SCML4: variants seen among roughly 807,000 people sequenced by gnomAD.
SCML4 encodes the protein sex comb on midleg-like protein 4.
In SCML4, 34 loss-of-function variants were observed where a neutral mutation model predicts 41.1. The ratio of observed to expected loss-of-function variants is 0.83; its 90% CI spans 0.63 to 1.10. The LOEUF (loss-of-function observed/expected upper bound fraction) is 1.10. Ranked by LOEUF, SCML4 falls within the 50% of genes least tolerant of loss-of-function variation. The pLI, the probability that SCML4 is intolerant of heterozygous loss-of-function variation, is 0.00. For missense variants in SCML4, 522 were observed against 534.1 expected (o/e 0.98, Z 0.22); for synonymous variants, 214 against 220.9 (o/e 0.97, Z 0.28).
chr6:107,793,704 T>C (rs1782510347), intron 1 of SCML4, among the ~76,000 whole-genome samples: 1 of 152,230 alleles, frequency 6.6e-6, no homozygotes, highest in African/African-American at 2.4e-5. Flanking sequence ...TCCCAGCATT[T>C]GAGAGGCTGA....
chr6:107,774,298 G>T (rs1334335552), intron 1 of SCML4, among the ~76,000 whole-genome samples: 2 of 151,440 alleles, frequency 1.3e-5, no homozygotes, highest in Non-Finnish European at 2.9e-5. Flanking sequence ...TCCATAGGGA[G>T]CATTTTTTTT....
chr6:107,812,507 T>C (rs1784230330), intron 1 of SCML4, among the ~76,000 whole-genome samples: 1 of 152,064 alleles, frequency 6.6e-6, no homozygotes, highest in South Asian at 2.1e-4. Flanking sequence ...ATTCTAAGTG[T>C]TTCTGTGAGG....
chr6:107,731,060 A>C (rs962472355), intron 5 of SCML4, among the ~76,000 whole-genome samples: 18 of 152,262 alleles, frequency 1.2e-4, no homozygotes, highest in Admixed American at 4.6e-4. Context: ...CTGGAGGGTC[A>C]GGTGTGAGCC....
At chr6:107,779,862 G>A (rs1335665951) in intron 1 of SCML4, among the ~76,000 whole-genome samples, 4 of 152,130 alleles carry the variant, frequency 2.6e-5, no homozygotes, top group Admixed American at 2.0e-4. Context: ...CTGCTTTGGA[G>A]GCCTTTCCTC....
intron 2 of SCML4, among the ~76,000 whole-genome samples, chr6:107,763,726 G>A (rs113116664): frequency 7.9e-5 from 12 of 152,162 alleles, no homozygotes; most frequent in Admixed American, 7.2e-4. Flanking sequence ...AGAGGCCAGA[G>A]CTTGCTCGCT....
At chr6:107,799,905 A>C (rs1782976108) in intron 1 of SCML4, among the ~76,000 whole-genome samples, 1 of 149,748 alleles carries the variant, frequency 6.7e-6, no homozygotes, top group African/African-American at 2.4e-5. Context: ...TATTTAAAAT[A>C]GTTGTTTTAA....
chr6:107,823,141 C>G (rs557524365), intron 1 of SCML4, among the ~76,000 whole-genome samples: 108 of 152,174 alleles, frequency 7.1e-4, no homozygotes, highest in Non-Finnish European at 1.4e-3. Flanking sequence ...GGATTACTTT[C>G]TCAAGTACTG....
upstream of SCML4, among the ~76,000 whole-genome samples, chr6:107,827,971 C>T (rs937728815): frequency 2.6e-5 from 4 of 152,216 alleles, no homozygotes; most frequent in African/African-American, 7.2e-5. Flanking sequence ...TCAGTGCTAC[C>T]GCCGAAACAA....
intron 1 of SCML4, among the ~76,000 whole-genome samples, chr6:107,809,398 G>A (rs773351818): frequency 6.6e-6 from 1 of 152,214 alleles, no homozygotes; most frequent in Non-Finnish European, 1.5e-5. Context: ...CGTATGAAGC[G>A]GGTTAAAGGG....
chr6:107,794,876 G>A (rs934585134), intron 1 of SCML4, among the ~76,000 whole-genome samples: 1 of 152,072 alleles, frequency 6.6e-6, no homozygotes, highest in Non-Finnish European at 1.5e-5. Context: ...CCTAGCCTCT[G>A]GTATTTGGCC....
intron 2 of SCML4, among the ~76,000 whole-genome samples, chr6:107,763,164 G>A (rs984057111): frequency 5.3e-5 from 8 of 152,026 alleles, no homozygotes; most frequent in Middle Eastern, 3.4e-3. Context: ...TTACAAGCAT[G>A]AGCCACAATG....
At chr6:107,717,641 G>A (rs559652576) in intron 6 of SCML4, among the ~76,000 whole-genome samples, 5 of 152,270 alleles carry the variant, frequency 3.3e-5, no homozygotes, top group Middle Eastern at 3.4e-3. Context: ...TCCACCTCCC[G>A]GGTTCAAGCG....
chr6:107,746,612 C>T (rs1163050043), intron 4 of SCML4, 77 bp downstream of exon 4: 2 of 1,346,646 alleles, frequency 1.5e-6, no homozygotes, highest in African/African-American at 1.4e-5. Flanking sequence ...CACCTGCTGT[C>T]TCCAGGCCTG....
intron 2 of SCML4, among the ~76,000 whole-genome samples, chr6:107,769,337 G>A (rs867950956): frequency 6.6e-6 from 1 of 152,220 alleles, no homozygotes; most frequent in Non-Finnish European, 1.5e-5. Flanking sequence ...CTGACCGCCA[G>A]TGTAACCCTC....
rs553145742 is a variant in SCML4, at chr6:107,747,977, T to A, written c.287-1088A>T. On this transcript the variant is annotated intron_variant, in intron 3 of 7. Coordinates refer to ENST00000369020, the MANE Select transcript of SCML4 (RefSeq NM_198081.5). ...TGTCTTCAGACTATTTGCTTTAAGA[T>A]TTTTCATTGTCTCAGACATCAAGCC... 5.3e-5 allele frequency among the ~76,000 whole-genome samples: 8 copies of A among 152,284 alleles called. No homozygotes were observed. In the South Asian group the frequency reaches 1.7e-3, roughly 32 times the overall value.
intron 1 of SCML4, among the ~76,000 whole-genome samples, chr6:107,807,521 C>A (rs544290227): frequency 9.0e-4 from 137 of 152,352 alleles, no homozygotes; most frequent in African/African-American, 3.2e-3. Flanking sequence ...TACAGTCCAA[C>A]CAATATGCTC....
chr6:107,833,467 C>G, the SCML4 span, among the ~76,000 whole-genome samples: 1 of 152,076 alleles, frequency 6.6e-6, no homozygotes, highest in Non-Finnish European at 1.5e-5. Flanking sequence ...GTGGGTTCTG[C>G]AAGGCTGAGG....
chr6:107,801,915 C>G (rs1783164720), intron 1 of SCML4, among the ~76,000 whole-genome samples: 1 of 151,136 alleles, frequency 6.6e-6, no homozygotes, highest in Non-Finnish European at 1.5e-5. Context: ...CAGACACCCG[C>G]TACCACACCT....
intron 5 of SCML4, among the ~76,000 whole-genome samples, chr6:107,729,168 G>A (rs187770125): frequency 3.5e-4 from 53 of 152,258 alleles, no homozygotes; most frequent in African/African-American, 1.2e-3. Flanking sequence ...CTAACAAACC[G>A]GGTGGTTTAA....
Sources: gnomAD v4.1 joint callset for allele counts (sites outside exome capture counted in the v4.1 genomes callset) on GRCh38, gnomAD v4.1.1 for gene constraint, MANE v1.5 for transcripts, NCBI Gene and HGNC (gene_info 2026-07-23, HGNC 2026-07-21) for gene names.